The following PALM2AKAP2 variants were observed in gnomAD, a reference collection of about 807,000 sequenced individuals.
PALM2AKAP2 encodes PALM2 and AKAP2 fusion, also known as PALM2-AKAP2 fusion protein.
PALM2AKAP2 carries 37 observed loss-of-function variants against 71.5 expected under a neutral mutation model. The observed-to-expected ratio is 0.52, with a 90% CI of 0.40 to 0.68. PALM2AKAP2 has a LOEUF of 0.68. Among genes scored for constraint, PALM2AKAP2 ranks in the 30% least tolerant of loss-of-function variants. PALM2AKAP2 has a pLI of 0.00. For synonymous variants in PALM2AKAP2, 468 were observed against 478.8 expected, an observed-to-expected ratio of 0.98 and a Z score of 0.29; for missense variants, 1,224 against 1,191.8, an observed-to-expected ratio of 1.03 and a Z score of -0.40.
intron 1 of PALM2AKAP2, among the ~76,000 whole-genome samples, chr9:109,716,960 G>A (rs1402701301): frequency 6.6e-6 from 1 of 152,268 alleles, no homozygotes; most frequent in East Asian, 1.9e-4. Flanking sequence ...CTGATGGGAT[G>A]TCTGGTTTTC....
chr9:110,134,597 T>C (rs963183166), intron 1 of PALM2AKAP2, among the ~76,000 whole-genome samples: 1 of 152,188 alleles, frequency 6.6e-6, no homozygotes, highest in Admixed American at 6.5e-5. Flanking sequence ...CTGACAGCAG[T>C]GTAGAGCACT....
At chr9:110,156,645 G>T (rs117788004) in intron 3 of PALM2AKAP2, 148 bp downstream of exon 9, 1 of 1,220,138 alleles carries the variant, frequency 8.2e-7, no homozygotes, top group East Asian at 3.0e-5. Flanking sequence ...GGTTTCACAT[G>T]CCTGGAACTG....
At chr9:109,678,594 C>A (rs770664840) in intron 1 of PALM2AKAP2, among the ~76,000 whole-genome samples, 6 of 152,230 alleles carry the variant, frequency 3.9e-5, no homozygotes, top group Middle Eastern at 3.4e-3. Flanking sequence ...CAGATAGATG[C>A]TGTTTTGGGG....
At chr9:110,132,657 C>A (rs1442192375) in intron 1 of PALM2AKAP2, among the ~76,000 whole-genome samples, 1 of 151,500 alleles carries the variant, frequency 6.6e-6, no homozygotes, top group East Asian at 1.9e-4. Flanking sequence ...ACTTCCTCAC[C>A]CAGACTGGAA....
At chr9:109,871,150 G>A (rs1213242787) in intron 2 of PALM2AKAP2, among the ~76,000 whole-genome samples, 2 of 152,116 alleles carry the variant, frequency 1.3e-5, no homozygotes, top group Admixed American at 1.3e-4. Context: ...CAAGATAGTA[G>A]TTTTGGCATT....
intron 3 of PALM2AKAP2, among the ~76,000 whole-genome samples, chr9:109,914,672 T>C (rs1830644457): frequency 6.6e-6 from 1 of 152,214 alleles, no homozygotes; most frequent in Non-Finnish European, 1.5e-5. Context: ...TTAAGCCAGT[T>C]GGTCAGCATC....
intron 1 of PALM2AKAP2, among the ~76,000 whole-genome samples, chr9:109,696,244 G>A (rs976370241): frequency 3.3e-5 from 5 of 151,938 alleles, no homozygotes; most frequent in African/African-American, 4.8e-5. Context: ...TCATGTTTCA[G>A]CAAGAAAAAA....
chr9:110,051,494 G>A (rs1677358826), intron 1 of PALM2AKAP2, among the ~76,000 whole-genome samples: 1 of 152,114 alleles, frequency 6.6e-6, no homozygotes, highest in South Asian at 2.1e-4. Context: ...TACGGATTTG[G>A]TGAGCTCTTA....
rs529941801 is a variant in PALM2AKAP2, at chr9:109,927,465, A to C, written c.394+2383A>C. Among the ~76,000 whole-genome samples the C allele has an allele frequency of 1.2e-4, 19 of 152,350 alleles. No homozygotes were observed. In the East Asian group the frequency reaches 3.7e-3, roughly 29 times the overall value. ...CTGATGCGTGCAGATTACAGAATCC[A>C]GGTCCAGTTAGGATTATGTAACTAT... is the stretch of plus-strand genomic sequence containing the variant. On this transcript the variant is annotated intron_variant, in intron 5 of 9. Transcript: ENST00000302798.
At chr9:109,782,308 GT>G (rs1324529863) in intron 1 of PALM2AKAP2, among the ~76,000 whole-genome samples, 1 of 152,162 alleles carries the variant, frequency 6.6e-6, no homozygotes, top group African/African-American at 2.4e-5. Flanking sequence ...GAAGAATTGA[GT>G]TTGTCCTGTG....
At chr9:109,857,142 T>C (rs1394131937) in intron 1 of PALM2AKAP2, among the ~76,000 whole-genome samples, 2 of 152,208 alleles carry the variant, frequency 1.3e-5, no homozygotes, top group African/African-American at 4.8e-5. Flanking sequence ...TGGATCCTTC[T>C]GCCCCTTCCT....
At chr9:109,744,946 A>G (rs1429217603) in intron 1 of PALM2AKAP2, among the ~76,000 whole-genome samples, 1 of 152,084 alleles carries the variant, frequency 6.6e-6, no homozygotes, top group Non-Finnish European at 1.5e-5. Flanking sequence ...CTTCTCCATG[A>G]GCTCCCTCTA....
Position 110,135,164 on chromosome 9 carries a change from A to AAAATATATATAT in PALM2AKAP2, c.157-962_157-961insAATATATATATA. Among the ~76,000 whole-genome samples, 5 of 51,730 alleles carry AAAATATATATAT rather than the reference A, an allele frequency of 9.7e-5. 1 individual carries two copies. The highest frequency in any genetic ancestry group is 1.3e-3 in the East Asian group (1 of 792). 33.9% of individuals were successfully genotyped at this position (51,730 alleles called of 152,430 possible). ...AACTCTGTCTCTACAAAAAAAAAAA[A>AAAATATATATAT]ATATATAAATATATATATATATATA... On this transcript the variant is annotated intron_variant, in intron 1 of 3. Transcript: ENST00000374525.
intron 1 of PALM2AKAP2, among the ~76,000 whole-genome samples, chr9:109,799,319 C>G (rs1036917667): frequency 1.3e-5 from 2 of 152,198 alleles, no homozygotes; most frequent in Non-Finnish European, 2.9e-5. Flanking sequence ...CTGTGAGAGG[C>G]TGAGAGCCAC....
In PALM2AKAP2 at chr9:110,070,675, T is replaced by A. The variant is rs567139373; in HGVS notation, c.156+21820T>A. Among the ~76,000 whole-genome samples the A allele has an allele frequency of 9.2e-5, 14 of 152,316 alleles. No homozygotes were observed. The South Asian group carries it at 2.9e-3, about 32-fold the overall frequency. Reference sequence around the variant, plus strand: ...TCTGCTTAATACATGTTTAGCTGCCTGAACTAACTCAGATGACTCCATGCT... The same window carrying A: ...TCTGCTTAATACATGTTTAGCTGCCAGAACTAACTCAGATGACTCCATGCT... On this transcript the variant is annotated intron_variant, in intron 1 of 3. Coordinates refer to ENST00000374525, the Ensembl canonical transcript of PALM2AKAP2.
chr9:109,779,980 A>AGCCGTGCGCCCCAGCGGCTC (rs907032980), upstream of PALM2AKAP2, among the ~76,000 whole-genome samples: 7 of 151,814 alleles, frequency 4.6e-5, no homozygotes, highest in Non-Finnish European at 8.8e-5. Context: ...GCGCCACGCC[A>AGCCGTGCGCCCCAGCGGCTC]GCCGTGCGCC....
rs557768529 is a variant in PALM2AKAP2 at position 109,902,996 on chromosome 9, C to T, written c.258-20739C>T. 1.0e-3 allele frequency among the ~76,000 whole-genome samples: 153 copies of T among 152,116 alleles called. 2 individuals are homozygous for T. The highest frequency in any genetic ancestry group is 3.6e-3 in the African/African-American group (148 of 41,470). On this transcript the variant is annotated intron_variant, in intron 3 of 9. Transcript: ENST00000302798. ...CTGGCATTGCTGAGATGACAGAGGC[C>T]CCAGTCTCTGGAGCCTCAGAGATTT...
At chr9:110,002,980 C>T (rs566180109) in intron 6 of PALM2AKAP2, among the ~76,000 whole-genome samples, 3 of 152,248 alleles carry the variant, frequency 2.0e-5, no homozygotes, top group Non-Finnish European at 2.9e-5. Context: ...TTCAAAAAAC[C>T]ACCTCCCGGA....
intron 1 of PALM2AKAP2, among the ~76,000 whole-genome samples, chr9:110,076,084 C>T (rs1246704513): frequency 1.3e-5 from 2 of 151,896 alleles, no homozygotes; most frequent in Non-Finnish European, 2.9e-5. Context: ...TTTTTTTACC[C>T]CAACACCAGG....
Sources: allele counts gnomAD v4.1 joint callset (sites outside exome capture counted in the v4.1 genomes callset), GRCh38; gene constraint gnomAD v4.1.1; transcripts MANE v1.5; gene names NCBI Gene and HGNC (gene_info 2026-07-23, HGNC 2026-07-21).